The following LANCL2 variants were observed in gnomAD, a reference collection of about 807,000 sequenced individuals.
The protein encoded by LANCL2 is LanC like glutathione S-transferase 2.
In LANCL2, 33 loss-of-function variants were observed where a neutral mutation model predicts 56.9. The observed-to-expected ratio is 0.58, with a 90% CI of 0.44 to 0.78. The LOEUF is 0.78. Among genes scored for constraint, LANCL2 ranks in the 30% least tolerant of loss-of-function variants. The probability of loss-of-function intolerance (pLI) is 0.00; values close to 1 mark genes in which losing one functional copy is unlikely to be tolerated. For synonymous variants in LANCL2, 233 were observed against 228.2 expected (o/e 1.02, Z -0.19); for missense variants, 562 against 580.2 (o/e 0.97, Z 0.32).
intron 1 of LANCL2, 60 bp downstream of exon 1, chr7:55,366,289 A>T: frequency 2.2e-6 from 3 of 1,365,026 alleles, no homozygotes; most frequent in Non-Finnish European, 1.9e-6. Context: ...GGTAGCGTCC[A>T]CCTTCCGCCA....
intron 3 of LANCL2, 145 bp downstream of exon 3, chr7:55,398,775 G>A (rs1302543016): frequency 3.1e-6 from 2 of 653,940 alleles, no homozygotes; most frequent in Non-Finnish European, 5.4e-6. Flanking sequence ...GCATAGTGGT[G>A]GGATCATATG....
chr7:55,419,977 A>C (rs950950681), intron 6 of LANCL2, among the ~76,000 whole-genome samples: 1 of 152,130 alleles, frequency 6.6e-6, no homozygotes, highest in Non-Finnish European at 1.5e-5. Context: ...ACATAGTGAG[A>C]CCTCATCTCT....
chr7:55,429,966 AG>A (rs1234117808), intron 8 of LANCL2, among the ~76,000 whole-genome samples: 4 of 152,224 alleles, frequency 2.6e-5, no homozygotes, highest in African/African-American at 9.6e-5. Flanking sequence ...GGCCGGCTGG[AG>A]GAGCCACTGG....
intron 5 of LANCL2, among the ~76,000 whole-genome samples, chr7:55,402,704 C>T (rs1336816963): frequency 2.4e-5 from 3 of 126,732 alleles, no homozygotes; most frequent in Middle Eastern, 3.5e-3. Flanking sequence ...GGGGGCTGAC[C>T]CCCACCTCCC....
chr7:55,409,092 GT>G (rs113959130), intron 5 of LANCL2, among the ~76,000 whole-genome samples: 181 of 144,490 alleles, frequency 1.3e-3, no homozygotes, highest in Middle Eastern at 3.6e-3. Context: ...TGATTTCCAA[GT>G]TTTTTTTTTT....
intron 5 of LANCL2, among the ~76,000 whole-genome samples, chr7:55,411,691 T>C (rs1790471584): frequency 6.6e-6 from 1 of 152,204 alleles, no homozygotes; most frequent in Non-Finnish European, 1.5e-5. Context: ...GTAGTCCTAA[T>C]CCACCAAAGA....
chr7:55,419,908 CT>C (rs1180169467), intron 6 of LANCL2, among the ~76,000 whole-genome samples: 1 of 152,030 alleles, frequency 6.6e-6, no homozygotes, highest in Non-Finnish European at 1.5e-5. Context: ...AATTCCAGCA[CT>C]TTTGGAGGCC....
chr7:55,387,004 G>T (rs893300720), intron 1 of LANCL2, among the ~76,000 whole-genome samples: 2 of 152,214 alleles, frequency 1.3e-5, no homozygotes, highest in African/African-American at 2.4e-5. Flanking sequence ...AGCATCATTT[G>T]AAGGTGAAAC....
intron 1 of LANCL2, among the ~76,000 whole-genome samples, chr7:55,381,279 G>T (rs1173959999): frequency 6.6e-6 from 1 of 152,200 alleles, no homozygotes; most frequent in African/African-American, 2.4e-5. Context: ...GGTGCACTCA[G>T]TGGCGGCAGG....
intron 6 of LANCL2, among the ~76,000 whole-genome samples, chr7:55,424,872 C>T (rs1048850460): frequency 7.2e-5 from 11 of 152,332 alleles, no homozygotes; most frequent in African/African-American, 2.6e-4. Flanking sequence ...CGCAGGAGAG[C>T]GAACCGTATC....
At chr7:55,430,559 A>G (rs1405330581) in intron 8 of LANCL2, among the ~76,000 whole-genome samples, 1 of 152,220 alleles carries the variant, frequency 6.6e-6, no homozygotes, top group Non-Finnish European at 1.5e-5. Context: ...TTGCACATGT[A>G]TATGCATTTT....
intron 2 of LANCL2, among the ~76,000 whole-genome samples, chr7:55,393,566 A>T (rs1308596815): frequency 6.6e-6 from 1 of 152,108 alleles, no homozygotes; most frequent in Non-Finnish European, 1.5e-5. Flanking sequence ...AAAACCAAAA[A>T]AAAACAGCAT....
intron 5 of LANCL2, among the ~76,000 whole-genome samples, chr7:55,409,957 GATGGTGACCAGAGTGAAACTAAAA>G (rs1790453707): frequency 6.6e-6 from 1 of 152,214 alleles, no homozygotes; most frequent in African/African-American, 2.4e-5. Flanking sequence ...CAGGATTATG[GATGGTGACCAGAGTGAAACTAAAA>G]ATGGTGACCA....
intron 6 of LANCL2, among the ~76,000 whole-genome samples, chr7:55,418,185 GT>G (rs55860430): frequency 0.15 from 21,943 of 148,072 alleles, 1,712 homozygotes; most frequent in Middle Eastern, 0.27. Context: ...ATACAATTGC[GT>G]TTTTTTTTTT....
chr7:55,389,984 G>A (rs1472788386), intron 1 of LANCL2, among the ~76,000 whole-genome samples: 2 of 152,174 alleles, frequency 1.3e-5, no homozygotes, highest in Admixed American at 1.3e-4. Flanking sequence ...CAGGATTGAG[G>A]AAACTTCTCT....
intron 5 of LANCL2, among the ~76,000 whole-genome samples, chr7:55,406,601 G>A (rs952154064): frequency 2.6e-5 from 4 of 152,154 alleles, no homozygotes; most frequent in African/African-American, 9.7e-5. Flanking sequence ...TGAGTTGGGG[G>A]CTTAGAATTT....
intron 1 of LANCL2, among the ~76,000 whole-genome samples, chr7:55,384,583 T>C (rs915923311): frequency 6.6e-6 from 1 of 151,676 alleles, no homozygotes; most frequent in Non-Finnish European, 1.5e-5. Flanking sequence ...AAAAAGAAAT[T>C]TATAGATGCA....
chr7:55,369,041 A>T (rs1789907726), intron 1 of LANCL2, among the ~76,000 whole-genome samples: 1 of 152,218 alleles, frequency 6.6e-6, no homozygotes. Flanking sequence ...TGGCCATGTG[A>T]TGATGGAGGC....
chr7:55,416,981 T>TTTTTTTG (rs1562868535), intron 6 of LANCL2, among the ~76,000 whole-genome samples: 14 of 71,290 alleles, frequency 2.0e-4, no homozygotes, highest in African/African-American at 5.6e-4. Context: ...TTTTTTTTTT[T>TTTTTTTG]TTTTTTTTTT....
Sources: allele counts gnomAD v4.1 joint callset (sites outside exome capture counted in the v4.1 genomes callset), GRCh38; gene constraint gnomAD v4.1.1; transcripts MANE v1.5; gene names NCBI Gene and HGNC (gene_info 2026-07-23, HGNC 2026-07-21).